MYLK: variants seen among roughly 807,000 people sequenced by gnomAD.
The protein encoded by MYLK is myosin light chain kinase, also known as myosin light chain kinase, smooth muscle.
MYLK carries 106 observed loss-of-function variants against 203.4 expected under a neutral mutation model. That is an observed-to-expected ratio of 0.52 (90% CI 0.45 to 0.61). The LOEUF (loss-of-function observed/expected upper bound fraction) is 0.61, where lower values mean the gene tolerates loss of function less well. MYLK is among the 20% of genes least tolerant of loss of function. The pLI, the probability that MYLK is intolerant of heterozygous loss-of-function variation, is 0.00. For missense variants in MYLK, 2,072 were observed against 2,442.3 expected, an observed-to-expected ratio of 0.85 and a Z score of 3.20; for synonymous variants, 867 against 959.5, an observed-to-expected ratio of 0.90 and a Z score of 1.78.
chr3:123,798,933 A>G (rs1372530438), intron 3 of MYLK, among the ~76,000 whole-genome samples: 3 of 152,184 alleles, frequency 2.0e-5, no homozygotes, highest in Non-Finnish European at 2.9e-5. Context: ...TTCCTCTCTA[A>G]TCCCTTGTCA....
intron 20 of MYLK, chr3:123,681,952 G>T: frequency 2.0e-6 from 1 of 506,970 alleles, no homozygotes; most frequent in South Asian, 2.0e-5. Context: ...AAGGAGGTTG[G>T]GCAGGGGAGG....
intron 16 of MYLK, among the ~76,000 whole-genome samples, chr3:123,702,025 G>T (rs2061254624): frequency 6.6e-6 from 1 of 152,194 alleles, no homozygotes; most frequent in Non-Finnish European, 1.5e-5. Context: ...AATGCTCTCA[G>T]ATCAGAACTT....
intron 4 of MYLK, among the ~76,000 whole-genome samples, chr3:123,788,520 A>C (rs2064636561): frequency 6.7e-6 from 1 of 148,628 alleles, no homozygotes; most frequent in African/African-American, 2.5e-5. Flanking sequence ...TATATCTCCT[A>C]ATGCTATCCC....
At chr3:123,733,238 C>T in intron 10 of MYLK, 136 bp from the exon 11 acceptor site, 5 of 954,182 alleles carry the variant, frequency 5.2e-6, no homozygotes, top group Non-Finnish European at 6.5e-6. Flanking sequence ...TCTGAGTCTG[C>T]TTCCTCACCC....
At position 123,753,952 on chromosome 3, in the gene MYLK, G is replaced by A. The variant is rs150509919; in HGVS notation, c.166-1414C>T. Among the ~76,000 whole-genome samples the A allele has an allele frequency of 2.0e-5, 3 of 152,270 alleles. No homozygotes were observed. In the South Asian group the frequency reaches 6.2e-4, roughly 32 times the overall value. ...CCCCAAATTGCATTTACAAAGAAAGGCTTCACTGATCTGTAGCAATAATCC... is the reference window on the plus strand; with the variant it reads ...CCCCAAATTGCATTTACAAAGAAAGACTTCACTGATCTGTAGCAATAATCC... On this transcript the variant is annotated intron_variant, in intron 4 of 33. Coordinates refer to ENST00000360304, the MANE Select transcript of MYLK (RefSeq NM_053025.4).
intron 4 of MYLK, among the ~76,000 whole-genome samples, chr3:123,756,477 C>T (rs2063363131): frequency 1.3e-5 from 2 of 152,038 alleles, no homozygotes. Context: ...GGCTTGGTGT[C>T]CTAGCTTTCT....
intron 19 of MYLK, among the ~76,000 whole-genome samples, chr3:123,688,084 C>T (rs952647670): frequency 2.0e-5 from 3 of 152,006 alleles, no homozygotes; most frequent in Admixed American, 2.0e-4. Context: ...TAGTCTTCTT[C>T]GCAGGCCCCT....
intron 3 of MYLK, among the ~76,000 whole-genome samples, chr3:123,814,811 T>G (rs1577052753): frequency 6.6e-6 from 1 of 152,096 alleles, no homozygotes; most frequent in East Asian, 1.9e-4. Flanking sequence ...TTTCTTTTTT[T>G]AGATGGAGTC....
Position 123,640,250 on chromosome 3 carries a change from C to T in MYLK, c.4837+37G>A. 1 of 1,573,572 alleles carries T rather than the reference C, an allele frequency of 6.4e-7. No homozygotes were observed. Among genetic ancestry groups the T allele is most frequent in the Non-Finnish European group, 8.7e-7 (1 of 1,143,300 alleles). On this transcript the variant is annotated intron_variant, in intron 28 of 33. Coordinates refer to ENST00000360304, the MANE Select transcript of MYLK (RefSeq NM_053025.4). The surrounding 1 kb of genome is among the most constrained non-coding windows in gnomAD (Gnocchi z 4.3). Reference sequence around the variant, plus strand: ...GTGAGAGGAAACGGCCAGTGCAATACACACTGGTGTCCATGGGAGAGGCAG... The same window carrying T: ...GTGAGAGGAAACGGCCAGTGCAATATACACTGGTGTCCATGGGAGAGGCAG...
intron 27 of MYLK, 146 bp downstream of exon 27, chr3:123,647,078 C>G (rs1229710441): frequency 2.6e-6 from 2 of 765,344 alleles, no homozygotes; most frequent in Non-Finnish European, 4.5e-6. Flanking sequence ...TCAGGCCTGG[C>G]TGTATGGCTG....
intron 4 of MYLK, among the ~76,000 whole-genome samples, chr3:123,775,173 C>T (rs1412079469): frequency 6.6e-6 from 1 of 152,134 alleles, no homozygotes; most frequent in African/African-American, 2.4e-5. Context: ...CAGTTGCATA[C>T]CACCATGCCC....
chr3:123,640,217 C>A lies in MYLK; in HGVS notation c.4837+70G>T. On this transcript the variant is annotated intron_variant, in intron 28 of 33. Coordinates refer to ENST00000360304, the MANE Select transcript of MYLK (RefSeq NM_053025.4). This position sits in a 1 kb window ranked among gnomAD's most constrained non-coding sequence, Gnocchi z 4.3. Reference sequence around the variant, plus strand: ...CCCCAATACTGTATGTTTCCTCTCACACTCAGTGTGAGAGGAAACGGCCAG... The same window carrying A: ...CCCCAATACTGTATGTTTCCTCTCAAACTCAGTGTGAGAGGAAACGGCCAG... 3 of 1,434,086 alleles carry A rather than the reference C, an allele frequency of 2.1e-6. No homozygotes were observed. The Admixed American group carries it at 5.0e-5, about 24-fold the overall frequency. The allele number at this position is 1,434,086 out of a possible 1,614,324, so 88.8% of individuals were successfully genotyped here.
intron 3 of MYLK, among the ~76,000 whole-genome samples, chr3:123,797,994 G>T (rs2065051749): frequency 6.6e-6 from 1 of 152,208 alleles, no homozygotes; most frequent in South Asian, 2.1e-4. Flanking sequence ...GCAGGAAGCA[G>T]ATGGCAGAAT....
At chr3:123,723,330 G>T (rs1451607141) in intron 12 of MYLK, among the ~76,000 whole-genome samples, 1 of 152,218 alleles carries the variant, frequency 6.6e-6, no homozygotes, top group Non-Finnish European at 1.5e-5. Context: ...CACATCATAG[G>T]ACTAGAGGGG....
intron 22 of MYLK, among the ~76,000 whole-genome samples, chr3:123,664,492 C>T (rs2059671043): frequency 4.7e-5 from 1 of 21,070 alleles, no homozygotes; most frequent in South Asian, 0.038. Flanking sequence ...GGAGCAGGGG[C>T]AGGATGGATG....
At chr3:123,701,237 C>CAA (rs35577296) in intron 17 of MYLK, among the ~76,000 whole-genome samples, 81,390 of 115,878 alleles carry the variant, frequency 0.7, 31,290 homozygotes, top group Non-Finnish European at 0.87. Flanking sequence ...AGGGTGTGTG[C>CAA]AAAAAAAAAA....
chr3:123,729,145 C>G (rs918242399), intron 11 of MYLK, among the ~76,000 whole-genome samples: 1 of 152,062 alleles, frequency 6.6e-6, no homozygotes, highest in African/African-American at 2.4e-5. Context: ...CTCTGGCTGA[C>G]TTGGAGCTTT....
intron 9 of MYLK, chr3:123,735,121 T>C: frequency 2.1e-6 from 1 of 470,744 alleles, no homozygotes; most frequent in Admixed American, 3.2e-5. Context: ...GCAGTGTTCT[T>C]CCTCAGGATG....
chr3:123,838,838 T>C (rs2066528555), intron 2 of MYLK, among the ~76,000 whole-genome samples: 1 of 152,210 alleles, frequency 6.6e-6, no homozygotes, highest in Admixed American at 6.5e-5. Flanking sequence ...CTCATGTCTG[T>C]AATCCCAGCA....
Sources: gnomAD v4.1 joint callset for allele counts (sites outside exome capture counted in the v4.1 genomes callset) on GRCh38, gnomAD v4.1.1 for gene constraint, Gnocchi (gnomAD v3.1) non-coding constraint, MANE v1.5 for transcripts, NCBI Gene and HGNC (gene_info 2026-07-23, HGNC 2026-07-21) for gene names.